The following CDC42BPA variants were observed in gnomAD, a reference collection of about 807,000 sequenced individuals.
The protein encoded by CDC42BPA is serine/threonine-protein kinase MRCK alpha.
In CDC42BPA, 80 loss-of-function variants were observed where a neutral mutation model predicts 223.5. The ratio of observed to expected loss-of-function variants is 0.36; its 90% CI spans 0.30 to 0.43. The LOEUF (loss-of-function observed/expected upper bound fraction) is 0.43. Among genes scored for constraint, CDC42BPA ranks in the 20% least tolerant of loss-of-function variants. The pLI is 1.00. For missense variants in CDC42BPA, 1,743 were observed against 2,099.9 expected, an observed-to-expected ratio of 0.83 and a Z score of 3.32; for synonymous variants, 694 against 718.6, an observed-to-expected ratio of 0.97 and a Z score of 0.55.
chr1:227,006,732 C>T (rs1402764156), intron 34 of CDC42BPA, among the ~76,000 whole-genome samples: 1 of 152,088 alleles, frequency 6.6e-6, no homozygotes, highest in Non-Finnish European at 1.5e-5. Context: ...GTCAGGAATT[C>T]GAGACCAGCC....
At chr1:227,290,826 A>C (rs1689568506) in intron 1 of CDC42BPA, among the ~76,000 whole-genome samples, 1 of 152,198 alleles carries the variant, frequency 6.6e-6, no homozygotes, top group Non-Finnish European at 1.5e-5. Flanking sequence ...GGAAGGTGTT[A>C]GTTACAGGTG....
At chr1:227,120,013 A>T (rs1188948837) in intron 11 of CDC42BPA, 76 bp from the exon 12 acceptor site, 26 of 1,214,198 alleles carry the variant, frequency 2.1e-5, no homozygotes, top group South Asian at 1.4e-4. Context: ...AACAACTAAA[A>T]TTTTTTTTAA....
intron 6 of CDC42BPA, among the ~76,000 whole-genome samples, chr1:227,157,447 C>T (rs1306527895): frequency 3.3e-5 from 5 of 152,176 alleles, no homozygotes; most frequent in Non-Finnish European, 7.3e-5. Context: ...TTTCTCATGA[C>T]AGGTCAGTAG....
intron 2 of CDC42BPA, chr1:227,235,150 A>G (rs1352777140): frequency 6.6e-6 from 1 of 152,172 alleles, no homozygotes. Flanking sequence ...CCAACATGAC[A>G]CCAAAGAAAT....
chr1:227,067,439 GAAC>G (rs1677323358), intron 21 of CDC42BPA, among the ~76,000 whole-genome samples: 1 of 152,098 alleles, frequency 6.6e-6, no homozygotes, highest in African/African-American at 2.4e-5. Context: ...CTAGTGGAAA[GAAC>G]AACCAAAATA....
chr1:227,275,813 G>A (rs1014562725), intron 1 of CDC42BPA, among the ~76,000 whole-genome samples: 2 of 152,150 alleles, frequency 1.3e-5, no homozygotes, highest in African/African-American at 4.8e-5. Context: ...CATGTTCGCC[G>A]GGCTGGTCTC....
At chr1:227,014,125 C>G (rs1305741504) in intron 34 of CDC42BPA, among the ~76,000 whole-genome samples, 1 of 151,676 alleles carries the variant, frequency 6.6e-6, no homozygotes, top group African/African-American at 2.4e-5. Flanking sequence ...AGCAAATGTT[C>G]CTAATGGGAA....
chr1:227,295,849 G>A (rs999494496), intron 1 of CDC42BPA, among the ~76,000 whole-genome samples: 1 of 152,164 alleles, frequency 6.6e-6, no homozygotes, highest in African/African-American at 2.4e-5. Flanking sequence ...TCCTTTTAAT[G>A]AAGCTTCTGG....
At chr1:227,141,435 T>A (rs950885253) in intron 9 of CDC42BPA, among the ~76,000 whole-genome samples, 1 of 152,026 alleles carries the variant, frequency 6.6e-6, no homozygotes, top group Non-Finnish European at 1.5e-5. Flanking sequence ...AAGCAAAACA[T>A]GCACTAGACT....
rs889466924 is a variant in CDC42BPA, at chr1:227,078,421, ATCTCT to A, written c.2480+2467_2480+2471del. 6.6e-5 allele frequency among the ~76,000 whole-genome samples: 10 copies of A among 152,288 alleles called. No individual in the cohort carries two copies. The East Asian group carries it at 9.6e-4, about 15-fold the overall frequency. The stretch of plus-strand genomic sequence containing the variant: ...AAGTACTACATTTATAGATCTCTGT[ATCTCT>A]TATTGTACCAGAAGAATGCCTTATG... On this transcript the variant is annotated intron_variant, in intron 17 of 36. Transcript: ENST00000366766.
intron 3 of CDC42BPA, among the ~76,000 whole-genome samples, chr1:227,202,840 A>C (rs1201074227): frequency 6.6e-6 from 1 of 151,928 alleles, no homozygotes; most frequent in Non-Finnish European, 1.5e-5. Flanking sequence ...TGAGGCAGAA[A>C]GATCACATGA....
intron 8 of CDC42BPA, 33 bp from the exon 9 acceptor site, chr1:227,143,057 G>T: frequency 1.4e-6 from 2 of 1,403,076 alleles, no homozygotes; most frequent in South Asian, 3.0e-5. Context: ...GTAAGAAATA[G>T]ATAGCTATAT....
At chr1:227,077,884 A>T (rs1174492382) in intron 17 of CDC42BPA, among the ~76,000 whole-genome samples, 1 of 152,172 alleles carries the variant, frequency 6.6e-6, no homozygotes, top group East Asian at 1.9e-4. Context: ...AATAGTATTA[A>T]GTCCTATAGA....
intron 16 of CDC42BPA, among the ~76,000 whole-genome samples, chr1:227,089,740 C>T (rs1374889527): frequency 6.7e-6 from 1 of 148,552 alleles, no homozygotes; most frequent in Non-Finnish European, 1.5e-5. Flanking sequence ...ATGTATTAGA[C>T]TGCAACACAA....
At chr1:227,193,319 C>CA (rs766847507) in intron 5 of CDC42BPA, among the ~76,000 whole-genome samples, 1 of 151,962 alleles carries the variant, frequency 6.6e-6, no homozygotes, top group Non-Finnish European at 1.5e-5. Flanking sequence ...CTTGACCTCC[C>CA]AAAGTGCTGG....
intron 1 of CDC42BPA, among the ~76,000 whole-genome samples, chr1:227,274,402 G>A (rs2148497869): frequency 6.6e-6 from 1 of 152,294 alleles, no homozygotes; most frequent in African/African-American, 2.4e-5. Flanking sequence ...TAACTTAAAT[G>A]TGGAAATTTC....
intron 5 of CDC42BPA, among the ~76,000 whole-genome samples, chr1:227,181,984 C>T (rs6426582): frequency 0.68 from 103,537 of 151,996 alleles, 35,502 homozygotes; most frequent in South Asian, 0.73. Flanking sequence ...GCCTGAAATG[C>T]ATCCATTAAG....
chr1:227,063,789 T>C (rs1256055691), intron 21 of CDC42BPA, among the ~76,000 whole-genome samples: 1 of 152,188 alleles, frequency 6.6e-6, no homozygotes, highest in African/African-American at 2.4e-5. Context: ...TCACATACAA[T>C]TGACCATTCC....
At chr1:227,205,513 A>C (rs536776075) in intron 3 of CDC42BPA, among the ~76,000 whole-genome samples, 14 of 87,678 alleles carry the variant, frequency 1.6e-4, no homozygotes, top group Non-Finnish European at 2.9e-4. Flanking sequence ...GATCTACTTA[A>C]GACAGAAGGA....
Sources: gnomAD v4.1 joint callset for allele counts (sites outside exome capture counted in the v4.1 genomes callset) on GRCh38, gnomAD v4.1.1 for gene constraint, MANE v1.5 for transcripts, NCBI Gene and HGNC (gene_info 2026-07-23, HGNC 2026-07-21) for gene names.